PKD1L3: variants seen among roughly 807,000 people sequenced by gnomAD.
PKD1L3 encodes the protein polycystin-1-like protein 3.
PKD1L3 carries 239 observed loss-of-function variants against 184.1 expected under a neutral mutation model. The observed-to-expected ratio is 1.30, with a 90% CI of 1.17 to 1.45. PKD1L3 has a LOEUF of 1.45. Among genes scored for constraint, PKD1L3 ranks in the 40% most tolerant of loss-of-function variants. The pLI, the probability that PKD1L3 is intolerant of heterozygous loss-of-function variation, is 0.00. For synonymous variants in PKD1L3, 996 were observed against 778.8 expected (o/e 1.28, Z -4.64); for missense variants, 2,660 against 2,067.2 (o/e 1.29, Z -5.56).
intron 4 of PKD1L3, 51 bp from the exon 5 acceptor site, chr16:71,986,520 T>A (rs2040373040): frequency 1.3e-6 from 2 of 1,507,134 alleles, no homozygotes; most frequent in African/African-American, 1.4e-5. Flanking sequence ...TTTTACCATT[T>A]TATAATTAAG....
intron 2 of PKD1L3, among the ~76,000 whole-genome samples, chr16:71,996,620 C>T (rs932298661): frequency 6.6e-6 from 1 of 152,054 alleles, no homozygotes; most frequent in African/African-American, 2.4e-5. Flanking sequence ...TCTTAGACCC[C>T]GACAACCACT....
At chr16:71,953,583 G>T (rs1331044028) in intron 17 of PKD1L3, among the ~76,000 whole-genome samples, 1 of 152,206 alleles carries the variant, frequency 6.6e-6, no homozygotes, top group African/African-American at 2.4e-5. Flanking sequence ...AGAGTGACAG[G>T]GGAACTGCCA....
chr16:71,982,071 A>G lies in PKD1L3; in HGVS notation c.1131T>C (p.Arg377=). The change falls in exon 7 of 30, where the codon CGT becomes CGC. Residue 377 remains arginine, a synonymous_variant. Coordinates refer to ENST00000620267, the MANE Select transcript of PKD1L3 (RefSeq NM_181536.2). The part of the protein sequence containing the change: ...AGEGSWLESK[R]HTEPVEDILE... ...ATCTGGCACCTACCGGCTCAGTATG[A>G]CGCTTGGATTCCAGCCAACTTCCTT... 1 of 1,547,348 alleles carries G rather than the reference A, an allele frequency of 6.5e-7. No homozygotes were observed. Among genetic ancestry groups the G allele is most frequent in the Non-Finnish European group, 8.7e-7 (1 of 1,145,246 alleles).
chr16:71,949,068 A>C (rs951926831), intron 21 of PKD1L3, among the ~76,000 whole-genome samples: 3 of 152,110 alleles, frequency 2.0e-5, no homozygotes, highest in South Asian at 4.1e-4. Flanking sequence ...CCCCCCAAAT[A>C]ATAGATGAAA....
chr16:71,988,349 C>T (rs2040455658), intron 4 of PKD1L3, among the ~76,000 whole-genome samples: 1 of 152,194 alleles, frequency 6.6e-6, no homozygotes. Flanking sequence ...CACCTGCCAT[C>T]ACACCCGGCT....
At chr16:71,974,692 C>G (rs1283068388) in intron 11 of PKD1L3, among the ~76,000 whole-genome samples, 1 of 152,112 alleles carries the variant, frequency 6.6e-6, no homozygotes, top group African/African-American at 2.4e-5. Flanking sequence ...AAAACAGAAA[C>G]AGAAACAAAA....
At chr16:71,967,377 C>A in intron 14 of PKD1L3, 62 bp from the exon 15 acceptor site, 2 of 1,450,010 alleles carry the variant, frequency 1.4e-6, no homozygotes, top group South Asian at 1.4e-5. Flanking sequence ...TGGGTTTATC[C>A]CTAAGGAGAA....
intron 19 of PKD1L3, 104 bp downstream of exon 19, chr16:71,951,460 G>T: frequency 2.5e-6 from 3 of 1,181,290 alleles, no homozygotes; most frequent in South Asian, 1.6e-5. Flanking sequence ...ACAACCAGAA[G>T]GTTGTATCAG....
At chr16:71,993,691 A>G (rs923065686) in intron 2 of PKD1L3, among the ~76,000 whole-genome samples, 1 of 152,220 alleles carries the variant, frequency 6.6e-6, no homozygotes, top group Non-Finnish European at 1.5e-5. Flanking sequence ...TCCAGCATAA[A>G]TGGAAAATTC....
chr16:71,939,431 G>A (rs755261422), intron 24 of PKD1L3, among the ~76,000 whole-genome samples: 9 of 152,172 alleles, frequency 5.9e-5, no homozygotes, highest in Non-Finnish European at 1.3e-4. Flanking sequence ...GAGGTTTCTG[G>A]CTGGCAAAGC....
chr16:71,979,235 G>A (rs564769812), intron 9 of PKD1L3, among the ~76,000 whole-genome samples: 1 of 152,244 alleles, frequency 6.6e-6, no homozygotes, highest in Admixed American at 6.5e-5. Context: ...CTTGAGGTCC[G>A]TAGTTTGAGA....
At chr16:71,947,411 T>G (rs1368534907) in intron 22 of PKD1L3, 81 bp downstream of exon 22, 9 of 897,888 alleles carry the variant, frequency 1.0e-5, no homozygotes, top group Non-Finnish European at 1.6e-5. Context: ...TTTGAATGGG[T>G]TAATTTATCG....
intron 3 of PKD1L3, 57 bp from the exon 4 acceptor site, chr16:71,990,386 GT>G: frequency 7.1e-7 from 1 of 1,404,138 alleles, no homozygotes; most frequent in Non-Finnish European, 9.7e-7. Flanking sequence ...AGAAATATTC[GT>G]TTTACTTGAG....
chr16:71,957,018 G>A (rs1401191427), intron 16 of PKD1L3, among the ~76,000 whole-genome samples: 1 of 152,194 alleles, frequency 6.6e-6, no homozygotes, highest in Non-Finnish European at 1.5e-5. Context: ...CTACAGGAGT[G>A]AAGTTTTTGT....
At chr16:71,993,388 C>T (rs2040666844) in intron 2 of PKD1L3, 56 bp from the exon 3 acceptor site, 2 of 1,127,826 alleles carry the variant, frequency 1.8e-6, no homozygotes, top group Non-Finnish European at 2.5e-6. Context: ...GGCTACAAGT[C>T]TATAAAACCA....
intron 15 of PKD1L3, among the ~76,000 whole-genome samples, chr16:71,966,743 A>C (rs2039515891): frequency 6.6e-6 from 1 of 152,058 alleles, no homozygotes; most frequent in African/African-American, 2.4e-5. Context: ...TTAAGCTCTT[A>C]AATTTGACTC....
intron 2 of PKD1L3, among the ~76,000 whole-genome samples, chr16:71,997,524 G>A (rs539940690): frequency 2.4e-4 from 37 of 152,182 alleles, no homozygotes; most frequent in African/African-American, 5.5e-4. Context: ...CAAGGCAGGC[G>A]GATCATCTGA....
chr16:71,988,180 T>C (rs2040447317), intron 4 of PKD1L3, among the ~76,000 whole-genome samples: 1 of 152,136 alleles, frequency 6.6e-6, no homozygotes, highest in Admixed American at 6.5e-5. Context: ...GAGGCAAATG[T>C]AAAAGTTCAT....
intron 15 of PKD1L3, among the ~76,000 whole-genome samples, chr16:71,964,769 TC>T (rs1384494405): frequency 6.6e-6 from 1 of 151,964 alleles, no homozygotes; most frequent in Admixed American, 6.6e-5. Flanking sequence ...TGATCTGCTG[TC>T]CTCTGTCTTT....
Sources: gnomAD v4.1 joint callset for allele counts (sites outside exome capture counted in the v4.1 genomes callset) on GRCh38, gnomAD v4.1.1 for gene constraint, MANE v1.5 for transcripts, NCBI Gene and HGNC (gene_info 2026-07-23, HGNC 2026-07-21) for gene names.